Variants in SEC24B observed in about 807,000 individuals in gnomAD.
The protein encoded by SEC24B is protein transport protein Sec24B.
Under a neutral mutation model 142.8 loss-of-function variants are expected in SEC24B, and 45 were observed. That is an observed-to-expected ratio of 0.32 (90% CI 0.25 to 0.40). The LOEUF is 0.40. SEC24B is among the 10% of genes least tolerant of loss of function. SEC24B has a pLI of 1.00. For synonymous variants in SEC24B, 574 were observed against 568.2 expected (o/e 1.01, Z -0.15); for missense variants, 1,409 against 1,526.8 (o/e 0.92, Z 1.29).
Position 109,536,491 on chromosome 4 carries a change from C to T in SEC24B, c.3589-2002C>T, listed in dbSNP as rs367921431. Among the ~76,000 whole-genome samples the T allele has an allele frequency of 1.2e-4, 19 of 152,192 alleles. No homozygotes were observed. In the East Asian group the frequency reaches 1.7e-3, roughly 14 times the overall value. ...AAACATTTAAATGTAAAAAAGGAAA[C>T]CATGCAGATCACTAGAAGAAATATT... On this transcript the variant is annotated intron_variant, in intron 22 of 23. Coordinates refer to ENST00000265175, the MANE Select transcript of SEC24B (RefSeq NM_006323.5).
At chr4:109,439,254 G>A (rs1329051311) in intron 1 of SEC24B, among the ~76,000 whole-genome samples, 1 of 152,072 alleles carries the variant, frequency 6.6e-6, no homozygotes, top group Non-Finnish European at 1.5e-5. Flanking sequence ...TATCGGGTCA[G>A]TCACTGGAAA....
At chr4:109,436,325 G>C (rs1728408099) in intron 1 of SEC24B, among the ~76,000 whole-genome samples, 1 of 152,132 alleles carries the variant, frequency 6.6e-6, no homozygotes, top group African/African-American at 2.4e-5. Context: ...CATGTAGTAA[G>C]CAGTCATTTG....
At chr4:109,517,870 T>C (rs1056864086) in intron 11 of SEC24B, among the ~76,000 whole-genome samples, 5 of 152,112 alleles carry the variant, frequency 3.3e-5, no homozygotes, top group Non-Finnish European at 7.3e-5. Flanking sequence ...AATGAGCTGG[T>C]TTAAAGGGAA....
At position 109,475,914 on chromosome 4, in the gene SEC24B, T is replaced by C. The variant is rs563840636; in HGVS notation, c.1060+2728T>C. ...TGAAATGTTAAAATTTGTTTTATTA[T>C]CTATGACTTTAAGTCTCTAAATAGT... On this transcript the variant is annotated intron_variant, in intron 3 of 23. Coordinates refer to ENST00000265175, the MANE Select transcript of SEC24B (RefSeq NM_006323.5). Among the ~76,000 whole-genome samples, 7 of 152,280 alleles carry C rather than the reference T, an allele frequency of 4.6e-5. No individual in the cohort carries two copies. The East Asian group carries it at 1.3e-3, about 29-fold the overall frequency.
At chr4:109,525,541 C>T in intron 16 of SEC24B, 37 bp downstream of exon 16, 26 of 1,439,762 alleles carry the variant, frequency 1.8e-5, no homozygotes, top group Non-Finnish European at 2.4e-5. Flanking sequence ...ATATTAAATA[C>T]TTGTATCAAA....
Position 109,481,710 on chromosome 4 carries a change from C to T in SEC24B, c.1094C>T (p.Ala365Val). 6.2e-7 allele frequency: 1 copy of T among 1,613,788 alleles called. No individual in the cohort carries two copies. Among genetic ancestry groups the T allele is most frequent in the Non-Finnish European group, 8.5e-7 (1 of 1,179,782 alleles). ...VQYGEYVNNQ[A>V]SSAPTPLSST... is the part of the protein sequence containing the mutation. ...TATGGTGAATATGTTAATAACCAAG[C>T]TAGCTCCGCACCAACTCCCTTGTCA... The change falls in exon 4 of 24, where the codon GCT (alanine) becomes GTT (valine). Residue 365 changes from alanine to valine, a missense_variant. Ala to Val is a moderately conservative substitution (Grantham distance 64). Transcript: ENST00000265175.
chr4:109,469,816 CT>C (rs961413800), intron 2 of SEC24B, among the ~76,000 whole-genome samples: 21 of 152,186 alleles, frequency 1.4e-4, no homozygotes, highest in African/African-American at 4.8e-4. Context: ...TAATTTAAAA[CT>C]TTTCCTTATT....
chr4:109,478,642 T>C (rs776172126), intron 3 of SEC24B, among the ~76,000 whole-genome samples: 12 of 152,338 alleles, frequency 7.9e-5, no homozygotes, highest in Non-Finnish European at 1.6e-4. Context: ...CAGAGTCCTC[T>C]TCTTTATCCA....
In SEC24B at chr4:109,473,126, A is replaced by G. The variant is rs754424791; in HGVS notation, c.1000A>G (p.Asn334Asp). The G allele has an allele frequency of 7.5e-6, 12 of 1,599,928 alleles. No homozygotes were observed. Among genetic ancestry groups the G allele is most frequent in the Non-Finnish European group, 1.0e-5 (12 of 1,173,422 alleles). Reference protein sequence around the residue: ...SSSTRTPPTANHPVEPVTSVT... With the variant: ...SSSTRTPPTADHPVEPVTSVT... The stretch of plus-strand genomic sequence containing the variant: ...ATCAACAAGAACACCTCCCACTGCA[A>G]ATCACCCAGTTGAGCCTGTGACCTC... The change falls in exon 3 of 24, where the codon AAT (asparagine) becomes GAT (aspartate). Residue 334 changes from asparagine to aspartate, a missense_variant. This residue lies in a region of SEC24B where 709 missense variants were observed against 673.5 expected (regional missense o/e 1.05). Transcript: ENST00000265175.
intron 20 of SEC24B, among the ~76,000 whole-genome samples, chr4:109,531,832 A>G (rs1339097645): frequency 6.6e-6 from 1 of 152,088 alleles, no homozygotes; most frequent in South Asian, 2.1e-4. Context: ...TATTTTGTAG[A>G]TATTGACTGC....
Position 109,521,477 on chromosome 4 carries a change from C to T in SEC24B, c.2359C>T (p.His787Tyr), listed in dbSNP as rs573336049. 6.2e-7 allele frequency: 1 copy of T among 1,614,118 alleles called. No individual in the cohort carries two copies. Among genetic ancestry groups the T allele is most frequent in the South Asian group, 1.1e-5 (1 of 91,084 alleles). ...CATGTTCACCAATACAAGAGAAACA[C>T]ACAGTGCCCTTGGTCCTGCACTTCA... ...PNMFTNTRET[H>Y]SALGPALQAA... The change falls in exon 14 of 24, where the codon CAC becomes TAC. Residue 787 changes from histidine to tyrosine, a missense_variant. Around this residue, in one of 2 missense-constraint regions of SEC24B, gnomAD observed 700 missense variants for 853.3 expected, o/e 0.82. Coordinates refer to ENST00000265175, the MANE Select transcript of SEC24B (RefSeq NM_006323.5).
Position 109,433,851 on chromosome 4 carries a change from C to G in SEC24B, c.-19C>G, listed in dbSNP as rs773210525. Reference sequence around the variant, plus strand: ...GCCCACCTCCCTGAAGCGGAGCCGCCGTCGCCACCAGCGCCGTCATGTCGG... The same window carrying G: ...GCCCACCTCCCTGAAGCGGAGCCGCGGTCGCCACCAGCGCCGTCATGTCGG... On this transcript the variant is annotated 5_prime_UTR_variant, in exon 1 of 24. Coordinates refer to ENST00000265175, the MANE Select transcript of SEC24B (RefSeq NM_006323.5). 22 of 1,296,732 alleles carry G rather than the reference C, an allele frequency of 1.7e-5. No homozygotes were observed. Among genetic ancestry groups the G allele is most frequent in the African/African-American group, 4.7e-5 (3 of 64,278 alleles). 80.3% of individuals were successfully genotyped at this position (1,296,732 alleles called of 1,614,324 possible).
rs1724213073 is a variant in SEC24B, at chr4:109,526,281, A to G, written c.2847A>G (p.Leu949=). 4 of 1,614,030 alleles carry G rather than the reference A, an allele frequency of 2.5e-6. No homozygotes were observed. Among genetic ancestry groups the G allele is most frequent in the Non-Finnish European group, 3.4e-6 (4 of 1,179,970 alleles). Residue 949 remains leucine, a synonymous_variant, in exon 17 of 24, where the codon TTA becomes TTG. Coordinates refer to ENST00000265175, the MANE Select transcript of SEC24B (RefSeq NM_006323.5). ...TCTTTGTCCGTTCTACTGATTTGTT[A>G]TCCCTTGCCAACATCAATCCTGATG... ...GNFFVRSTDL[L]SLANINPDAG...
intron 1 of SEC24B, among the ~76,000 whole-genome samples, chr4:109,448,740 C>T (rs1463422782): frequency 1.3e-5 from 2 of 152,136 alleles, no homozygotes; most frequent in East Asian, 1.9e-4. Context: ...GCCTGTCTTC[C>T]GAAACTTTGG....
chr4:109,497,410 G>T (rs1578901854), intron 6 of SEC24B, among the ~76,000 whole-genome samples: 1 of 152,062 alleles, frequency 6.6e-6, no homozygotes, highest in Non-Finnish European at 1.5e-5. Context: ...TATATTCTGG[G>T]TCTAGTACAA....
chr4:109,477,140 T>TAAAAAA (rs759331468), intron 3 of SEC24B, among the ~76,000 whole-genome samples: 7 of 55,852 alleles, frequency 1.3e-4, no homozygotes, highest in Admixed American at 4.7e-4. Context: ...CCGTCTCAAA[T>TAAAAAA]AAAAAAAAAA....
In SEC24B at chr4:109,527,371, A is replaced by C; in HGVS notation, c.3015A>C (p.Ser1005=). The change falls in exon 18 of 24, where the codon TCA becomes TCC. Residue 1005 remains serine, a synonymous_variant. Transcript: ENST00000265175. Reference sequence around the variant, plus strand: ...CACTTTGTTTGCCAGTGGTAAGTTCACTAGCAGATGTATATGCGGGAGTGG... The same window carrying C: ...CACTTTGTTTGCCAGTGGTAAGTTCCCTAGCAGATGTATATGCGGGAGTGG... ...VHTLCLPVVS[S]LADVYAGVDV... is the part of the protein sequence containing the mutation. The C allele has an allele frequency of 6.2e-7, 1 of 1,613,916 alleles. No homozygotes were observed. Among genetic ancestry groups the C allele is most frequent in the Non-Finnish European group, 8.5e-7 (1 of 1,179,880 alleles).
intron 10 of SEC24B, among the ~76,000 whole-genome samples, chr4:109,515,716 A>G (rs1722773523): frequency 6.6e-6 from 1 of 152,182 alleles, no homozygotes; most frequent in South Asian, 2.1e-4. Flanking sequence ...CCAAGCTTCA[A>G]CAATTATCAA....
rs1423847815 is a variant in SEC24B at position 109,433,852 on chromosome 4, G to T, written c.-18G>T. 1 of 1,298,910 alleles carries T rather than the reference G, an allele frequency of 7.7e-7. No individual in the cohort carries two copies. The highest frequency in any genetic ancestry group is 2.1e-5 in the South Asian group (1 of 48,380). 80.5% of individuals were successfully genotyped at this position (1,298,910 alleles called of 1,614,324 possible). On this transcript the variant is annotated 5_prime_UTR_variant, in exon 1 of 24. Transcript: ENST00000265175. ...CCCACCTCCCTGAAGCGGAGCCGCC[G>T]TCGCCACCAGCGCCGTCATGTCGGC...
Sources: allele counts gnomAD v4.1 joint callset (sites outside exome capture counted in the v4.1 genomes callset), GRCh38; gene constraint gnomAD v4.1.1; regional missense constraint gnomAD v4.1.1; transcripts MANE v1.5; gene names NCBI Gene and HGNC (gene_info 2026-07-23, HGNC 2026-07-21).